The following XYLT1 variants were observed in gnomAD, a reference collection of about 807,000 sequenced individuals.
XYLT1 encodes the protein xylosyltransferase 1.
In XYLT1, 36 loss-of-function variants were observed where a neutral mutation model predicts 91.3. The observed-to-expected ratio is 0.39, with a 90% CI of 0.30 to 0.52. The LOEUF is 0.52. Ranked by LOEUF, XYLT1 falls within the 20% of genes least tolerant of loss-of-function variation. XYLT1 has a pLI of 0.68. For synonymous variants in XYLT1, 588 were observed against 532.0 expected, an observed-to-expected ratio of 1.11 and a Z score of -1.45; for missense variants, 1,242 against 1,284.5, an observed-to-expected ratio of 0.97 and a Z score of 0.51.
intron 6 of XYLT1, among the ~76,000 whole-genome samples, chr16:17,145,329 T>C (rs1360591985): frequency 6.6e-6 from 1 of 152,110 alleles, no homozygotes; most frequent in Non-Finnish European, 1.5e-5. Context: ...CACCAGGGGG[T>C]GGGAACATGA....
intron 10 of XYLT1, among the ~76,000 whole-genome samples, chr16:17,122,734 T>C (rs926823419): frequency 6.6e-6 from 1 of 152,242 alleles, no homozygotes; most frequent in Non-Finnish European, 1.5e-5. Context: ...GATTTAAGTC[T>C]TTGATCCATC....
chr16:17,169,595 G>T (rs945733909), intron 5 of XYLT1, among the ~76,000 whole-genome samples: 1 of 136,028 alleles, frequency 7.4e-6, no homozygotes. Context: ...GCACCCAGGG[G>T]CCACGCAGGA....
At chr16:17,400,635 GGAAGGAAGGAAGGAAGGA>G (rs2035953985) in intron 1 of XYLT1, among the ~76,000 whole-genome samples, 2 of 70,382 alleles carry the variant, frequency 2.8e-5, no homozygotes, top group African/African-American at 8.1e-5. Context: ...AAGGGAGGAA[GGAAGGAAGGAAGGAAGGA>G]AGGAAGGAAG....
chr16:17,234,858 C>G (rs79598803), intron 3 of XYLT1, among the ~76,000 whole-genome samples: 9,465 of 152,108 alleles, frequency 0.062, 366 homozygotes, highest in Non-Finnish European at 0.084. Context: ...TAGTTATTAT[C>G]CTATCATAAT....
Position 17,337,775 on chromosome 16 carries a change from C to CTTTTTTTTT in XYLT1, c.402+20236_402+20237insAAAAAAAAA, listed in dbSNP as rs71373106. Among the ~76,000 whole-genome samples, 133 of 114,176 alleles carry CTTTTTTTTT rather than the reference C, an allele frequency of 1.2e-3. 1 individual carries two copies. The highest frequency in any genetic ancestry group is 2.2e-3 in the African/African-American group (53 of 23,774). The allele number at this position is 114,176 out of a possible 152,430, so 74.9% of individuals were successfully genotyped here. ...CTACTTTGTCTGTTCCACATTTTTT[C>CTTTTTTTTT]TTTTTCTTTTTTTTTTTTTTTGTGA... On this transcript the variant is annotated intron_variant, in intron 2 of 11. Coordinates refer to ENST00000261381, the MANE Select transcript of XYLT1 (RefSeq NM_022166.4).
At chr16:17,169,321 A>G (rs1027605485) in intron 5 of XYLT1, among the ~76,000 whole-genome samples, 7 of 152,228 alleles carry the variant, frequency 4.6e-5, no homozygotes, top group Non-Finnish European at 1.0e-4. Flanking sequence ...GTTACAACCC[A>G]ATCAGTTTTA....
chr16:17,220,522 G>C (rs2032946889), intron 3 of XYLT1, among the ~76,000 whole-genome samples: 1 of 152,180 alleles, frequency 6.6e-6, no homozygotes, highest in African/African-American at 2.4e-5. Context: ...CCCCAGGCTG[G>C]AGTGCAATGC....
intron 1 of XYLT1, among the ~76,000 whole-genome samples, chr16:17,391,750 CAT>C (rs1420355619): frequency 1.3e-5 from 2 of 152,172 alleles, no homozygotes; most frequent in East Asian, 1.9e-4. Flanking sequence ...ATAATTCCCA[CAT>C]GTGGTGGGAG....
chr16:17,159,647 G>A (rs956058782), intron 5 of XYLT1, among the ~76,000 whole-genome samples: 3 of 152,168 alleles, frequency 2.0e-5, no homozygotes, highest in Admixed American at 6.5e-5. Context: ...ATGAATGGAC[G>A]GATACCAAGT....
chr16:17,417,907 CA>C (rs1167311751), intron 1 of XYLT1, among the ~76,000 whole-genome samples: 1 of 152,230 alleles, frequency 6.6e-6, no homozygotes, highest in Non-Finnish European at 1.5e-5. Context: ...AAGCCCAAGA[CA>C]CACAGGATAG....
At chr16:17,465,864 T>C (rs544505642) in intron 1 of XYLT1, among the ~76,000 whole-genome samples, 51 of 152,118 alleles carry the variant, frequency 3.4e-4, no homozygotes, top group Non-Finnish European at 6.6e-4. Context: ...ATTGCTACAT[T>C]TCATCCTCAT....
intron 1 of XYLT1, among the ~76,000 whole-genome samples, chr16:17,419,656 T>C (rs1399372913): frequency 6.6e-6 from 1 of 152,248 alleles, no homozygotes; most frequent in Non-Finnish European, 1.5e-5. Context: ...TTAGACAACA[T>C]CTTTCACTGC....
intron 5 of XYLT1, among the ~76,000 whole-genome samples, chr16:17,188,946 C>A (rs2032249451): frequency 6.6e-6 from 1 of 151,926 alleles, no homozygotes; most frequent in East Asian, 1.9e-4. Flanking sequence ...TACCCTTGAC[C>A]ACTACGATGA....
At chr16:17,182,418 A>C (rs1043986234) in intron 5 of XYLT1, among the ~76,000 whole-genome samples, 10 of 151,864 alleles carry the variant, frequency 6.6e-5, no homozygotes, top group Admixed American at 4.6e-4. Flanking sequence ...AAAGAAGGAC[A>C]CTCCTTCTAT....
At chr16:17,254,223 C>T (rs1001637696) in intron 3 of XYLT1, among the ~76,000 whole-genome samples, 4 of 152,194 alleles carry the variant, frequency 2.6e-5, no homozygotes, top group South Asian at 2.1e-4. Context: ...ATCCCTGAGA[C>T]AGCAGTAATA....
intron 10 of XYLT1, among the ~76,000 whole-genome samples, chr16:17,125,586 C>G (rs1004491622): frequency 1.3e-5 from 2 of 152,000 alleles, no homozygotes; most frequent in East Asian, 1.9e-4. Flanking sequence ...AGGACTGGCT[C>G]TTTTACAGGC....
chr16:17,437,767 G>A (rs897426322), intron 1 of XYLT1, among the ~76,000 whole-genome samples: 4 of 152,102 alleles, frequency 2.6e-5, no homozygotes, highest in Non-Finnish European at 4.4e-5. Context: ...AAGTGTTTAG[G>A]AACACAAATC....
chr16:17,290,493 G>A (rs1402511283), intron 2 of XYLT1, among the ~76,000 whole-genome samples: 2 of 152,234 alleles, frequency 1.3e-5, no homozygotes, highest in Non-Finnish European at 2.9e-5. Context: ...ACAGGCAGGG[G>A]CCTTCAACCG....
At chr16:17,374,266 A>C (rs551638773) in intron 1 of XYLT1, among the ~76,000 whole-genome samples, 1 of 152,286 alleles carries the variant, frequency 6.6e-6, no homozygotes, top group African/African-American at 2.4e-5. Flanking sequence ...GCATATGATA[A>C]AGTGGTAGGA....
Sources: allele counts gnomAD v4.1 joint callset (sites outside exome capture counted in the v4.1 genomes callset), GRCh38; gene constraint gnomAD v4.1.1; transcripts MANE v1.5; gene names NCBI Gene and HGNC (gene_info 2026-07-23, HGNC 2026-07-21).